Variants in CCDC171 observed in about 807,000 individuals in gnomAD.
CCDC171 encodes the protein coiled-coil domain containing 171.
A neutral mutation model predicts 168.2 loss-of-function variants in CCDC171; 177 were observed. That is an observed-to-expected ratio of 1.05 (90% CI 0.93 to 1.19). CCDC171 has a LOEUF of 1.19. Ranked by LOEUF, CCDC171 falls within the 50% of genes most tolerant of loss-of-function variation. CCDC171 has a pLI of 0.00. For synonymous variants in CCDC171, 687 were observed against 540.8 expected, an observed-to-expected ratio of 1.27 and a Z score of -3.75; for missense variants, 1,991 against 1,539.0, an observed-to-expected ratio of 1.29 and a Z score of -4.91.
chr9:15,687,685 C>T (rs911146051), intron 10 of CCDC171, among the ~76,000 whole-genome samples: 8 of 151,926 alleles, frequency 5.3e-5, no homozygotes, highest in African/African-American at 1.5e-4. Flanking sequence ...AAATCATGAA[C>T]GAAAGGGGGA....
intron 1 of CCDC171, among the ~76,000 whole-genome samples, chr9:15,556,562 C>G (rs540061314): frequency 6.6e-6 from 1 of 152,132 alleles, no homozygotes; most frequent in East Asian, 1.9e-4. Flanking sequence ...CTGTTCATAT[C>G]CTTTGCCCAC....
chr9:15,970,484 T>G (rs538450937), intron 25 of CCDC171, among the ~76,000 whole-genome samples: 4 of 152,288 alleles, frequency 2.6e-5, no homozygotes, highest in Admixed American at 1.3e-4. Flanking sequence ...AACATTTATT[T>G]TGTGGGAATC....
downstream of CCDC171, among the ~76,000 whole-genome samples, chr9:15,975,050 C>T (rs895468998): frequency 1.3e-5 from 2 of 152,100 alleles, no homozygotes; most frequent in African/African-American, 4.8e-5. Context: ...ACTACAGATG[C>T]GTACCACTGT....
At chr9:16,077,341 T>C in the CCDC171 span, among the ~76,000 whole-genome samples, 2 of 152,156 alleles carry the variant, frequency 1.3e-5, no homozygotes, top group African/African-American at 4.8e-5. Flanking sequence ...TATCAAATCA[T>C]TGGTCCCAAT....
intron 16 of CCDC171, among the ~76,000 whole-genome samples, chr9:15,739,121 C>G (rs552873727): frequency 6.6e-6 from 1 of 152,214 alleles, no homozygotes; most frequent in African/African-American, 2.4e-5. Flanking sequence ...GTGACCCTTA[C>G]TTAAGTTCAG....
chr9:16,086,858 G>T, the CCDC171 span, among the ~76,000 whole-genome samples: 66 of 152,192 alleles, frequency 4.3e-4, no homozygotes, highest in Non-Finnish European at 1.3e-4. Context: ...GCTTTCTGCT[G>T]TGGGCATTTA....
chr9:15,795,169 C>T (rs1272518433), intron 21 of CCDC171, among the ~76,000 whole-genome samples: 8 of 152,056 alleles, frequency 5.3e-5, no homozygotes, highest in Non-Finnish European at 8.8e-5. Context: ...TGGCAGAAGG[C>T]AGAAGGGCAA....
At chr9:15,903,888 T>C (rs1289635523) in intron 24 of CCDC171, among the ~76,000 whole-genome samples, 1 of 152,108 alleles carries the variant, frequency 6.6e-6, no homozygotes, top group Non-Finnish European at 1.5e-5. Flanking sequence ...TGCATAAGCC[T>C]CAGTAGCCGA....
At chr9:15,943,500 G>C (rs2987071) in intron 25 of CCDC171, among the ~76,000 whole-genome samples, 1 of 151,684 alleles carries the variant, frequency 6.6e-6, no homozygotes, top group Non-Finnish European at 1.5e-5. Flanking sequence ...TGTATATTTA[G>C]AACCAGATGC....
chr9:15,803,375 G>GT (rs966929290), intron 21 of CCDC171, among the ~76,000 whole-genome samples: 314 of 150,590 alleles, frequency 2.1e-3, no homozygotes, highest in African/African-American at 6.6e-3. Flanking sequence ...TTTTTCTAGG[G>GT]TTTTTTTTTG....
chr9:15,880,491 C>G (rs1265536538), intron 24 of CCDC171, among the ~76,000 whole-genome samples: 4 of 145,996 alleles, frequency 2.7e-5, no homozygotes, highest in Admixed American at 7.0e-5. Flanking sequence ...CGGAGTCTCT[C>G]TGTTGCCCAG....
At chr9:15,879,766 T>A (rs1385327190) in intron 24 of CCDC171, among the ~76,000 whole-genome samples, 1 of 152,184 alleles carries the variant, frequency 6.6e-6, no homozygotes, top group Non-Finnish European at 1.5e-5. Context: ...TTATTATGAA[T>A]AAGGTGGTAA....
At chr9:16,063,401 G>T (rs201621910), downstream of CCDC171, among the ~76,000 whole-genome samples, 2 of 152,188 alleles carry the variant, frequency 1.3e-5, no homozygotes, top group African/African-American at 4.8e-5. Context: ...CTGGCCACAA[G>T]CCCTCAAGAC....
chr9:15,899,343 G>A (rs1589044270), intron 24 of CCDC171, among the ~76,000 whole-genome samples: 1 of 133,114 alleles, frequency 7.5e-6, no homozygotes, highest in African/African-American at 2.8e-5. Flanking sequence ...CATTTTTCTA[G>A]GATAAGTACT....
intron 2 of CCDC171, 106 bp from the exon 3 acceptor site, chr9:15,571,518 C>T (rs576463978): frequency 3.4e-6 from 3 of 888,274 alleles, no homozygotes; most frequent in Non-Finnish European, 5.0e-6. Flanking sequence ...AGAACCATGT[C>T]ATGTTCTCTT....
chr9:15,984,661 A>G (rs973381366), intron 3 of CCDC171, among the ~76,000 whole-genome samples: 4 of 152,110 alleles, frequency 2.6e-5, no homozygotes, highest in Non-Finnish European at 5.9e-5. Context: ...ACTATCAGGC[A>G]ATGTTGAGAA....
At chr9:15,788,160 A>G (rs1480582931) in intron 21 of CCDC171, among the ~76,000 whole-genome samples, 2 of 152,200 alleles carry the variant, frequency 1.3e-5, no homozygotes, top group African/African-American at 2.4e-5. Context: ...GGGAGGCAAC[A>G]TGGTTCAATG....
intron 3 of CCDC171, among the ~76,000 whole-genome samples, chr9:15,578,407 G>GTAT (rs36232245): frequency 0.053 from 7,142 of 134,160 alleles, 197 homozygotes; most frequent in Middle Eastern, 0.081. Flanking sequence ...GTTAATTTTT[G>GTAT]TATTATTATT....
the CCDC171 span, among the ~76,000 whole-genome samples, chr9:16,099,789 A>C: frequency 1.3e-5 from 2 of 152,222 alleles, no homozygotes; most frequent in Non-Finnish European, 2.9e-5. Context: ...TAAGAAAAAG[A>C]CTCAAATAGA....
Sources: gnomAD v4.1 joint callset for allele counts (sites outside exome capture counted in the v4.1 genomes callset) on GRCh38, gnomAD v4.1.1 for gene constraint, MANE v1.5 for transcripts, NCBI Gene and HGNC (gene_info 2026-07-23, HGNC 2026-07-21) for gene names.